C1orf185: variants seen among roughly 807,000 people sequenced by gnomAD.
C1orf185 encodes the protein uncharacterized protein C1orf185.
Under a neutral mutation model 16.1 loss-of-function variants are expected in C1orf185, and 13 were observed. The ratio of observed to expected loss-of-function variants is 0.81; its 90% confidence interval spans 0.53 to 1.28. The LOEUF (loss-of-function observed/expected upper bound fraction) is 1.28, where lower values mean the gene tolerates loss of function less well. C1orf185 is among the 50% of genes most tolerant of loss of function. C1orf185 has a pLI of 0.00. For missense variants in C1orf185, 220 were observed against 225.2 expected, an observed-to-expected ratio of 0.98 and a Z score of 0.15; for synonymous variants, 80 against 76.9, an observed-to-expected ratio of 1.04 and a Z score of -0.21.
In C1orf185 at chr1:51,147,944, C is replaced by T; in HGVS notation, c.*173C>T. On this transcript the variant is annotated 3_prime_UTR_variant, in exon 5 of 5. Transcript: ENST00000371759. ...TAATATTGCTTTTTTTGTTCTTTAC[C>T]ATAGAGCGGCTCTACTTCCCTTGCT... The T allele has an allele frequency of 1.7e-6, 1 of 573,712 alleles. No individual in the cohort carries two copies. The highest frequency in any genetic ancestry group is 2.9e-6 in the Non-Finnish European group (1 of 349,580). 35.5% of individuals were successfully genotyped at this position (573,712 alleles called of 1,614,324 possible). A position where few individuals can be genotyped will look rare whatever the true frequency, so the allele number is the denominator to read the frequency against.
intron 3 of C1orf185, among the ~76,000 whole-genome samples, chr1:51,124,425 G>A (rs1446323285): frequency 3.3e-5 from 5 of 152,248 alleles, no homozygotes; most frequent in East Asian, 3.9e-4. Context: ...CAGGGCAGCC[G>A]CCTCAAAACT....
downstream of C1orf185, among the ~76,000 whole-genome samples, chr1:51,151,037 G>A (rs1416323144): frequency 6.6e-6 from 1 of 152,216 alleles, no homozygotes; most frequent in Non-Finnish European, 1.5e-5. Flanking sequence ...TCTGCTCACA[G>A]ACATGCAGAA....
intron 1 of C1orf185, among the ~76,000 whole-genome samples, chr1:51,109,658 C>A (rs182954500): frequency 2.0e-5 from 3 of 152,118 alleles, no homozygotes; most frequent in Non-Finnish European, 4.4e-5. Flanking sequence ...GTTCTTTCTC[C>A]GGTGAGTGTT....
intron 3 of C1orf185, among the ~76,000 whole-genome samples, chr1:51,133,574 C>A (rs1646301435): frequency 6.6e-6 from 1 of 152,194 alleles, no homozygotes; most frequent in Non-Finnish European, 1.5e-5. Context: ...TAGAGACCTT[C>A]AAAGAGACTT....
intron 3 of C1orf185, among the ~76,000 whole-genome samples, chr1:51,123,533 C>T (rs1005695016): frequency 6.6e-6 from 1 of 152,086 alleles, no homozygotes; most frequent in Non-Finnish European, 1.5e-5. Flanking sequence ...TGAATACCAG[C>T]GAACACAATT....
intron 1 of C1orf185, among the ~76,000 whole-genome samples, chr1:51,106,463 G>C (rs969041817): frequency 6.6e-6 from 1 of 151,794 alleles, no homozygotes; most frequent in African/African-American, 2.4e-5. Context: ...AAAAAAGTGA[G>C]ACTCTGTCTC....
intron 2 of C1orf185, among the ~76,000 whole-genome samples, chr1:51,116,479 A>G (rs1646158734): frequency 6.6e-6 from 1 of 151,858 alleles, no homozygotes; most frequent in Admixed American, 6.6e-5. Context: ...ACATCCAGCT[A>G]ATTTTTGTAT....
chr1:51,120,054 G>A (rs1468648492), intron 3 of C1orf185, among the ~76,000 whole-genome samples: 1 of 152,116 alleles, frequency 6.6e-6, no homozygotes, highest in African/African-American at 2.4e-5. Context: ...ATGAAGAGAA[G>A]TTTGTCGGGA....
chr1:51,144,720 A>AAGGG (rs896604586), intron 3 of C1orf185, among the ~76,000 whole-genome samples: 1 of 152,038 alleles, frequency 6.6e-6, no homozygotes, highest in Non-Finnish European at 1.5e-5. Flanking sequence ...CTCAGAAAAA[A>AAGGG]AGGGAGTTAT....
At chr1:51,111,819 C>A (rs1164577807) in intron 1 of C1orf185, among the ~76,000 whole-genome samples, 2 of 152,130 alleles carry the variant, frequency 1.3e-5, no homozygotes, top group African/African-American at 2.4e-5. Context: ...GGCGCCCTGC[C>A]CCTGGTTAAT....
chr1:51,134,865 C>A (rs993740779), intron 3 of C1orf185, among the ~76,000 whole-genome samples: 14 of 152,130 alleles, frequency 9.2e-5, no homozygotes, highest in African/African-American at 3.4e-4. Flanking sequence ...AATAGCCTAT[C>A]AACCAGAAAA....
chr1:51,119,153 T>A (rs937807167), intron 3 of C1orf185, among the ~76,000 whole-genome samples: 1 of 152,170 alleles, frequency 6.6e-6, no homozygotes, highest in African/African-American at 2.4e-5. Context: ...ACCATAGCAA[T>A]TGAAATTAAA....
In C1orf185 at chr1:51,147,740, G is replaced by A. The variant is rs976141676; in HGVS notation, c.569G>A (p.Gly190Asp). The change falls in exon 5 of 5, where the codon GGT (glycine) becomes GAT (aspartate). Residue 190 changes from glycine (G) to aspartate (D), a missense_variant. Physicochemically the swap from Gly to Asp is moderately conservative, Grantham distance 94 (BLOSUM62 -1). Transcript: ENST00000371759. ...CTGTCAACCATTTCATTAGAAGAGG[G>A]TACTGAAAGTGTACTGAATGACACT... is the stretch of plus-strand genomic sequence containing the variant. ...SYLSTISLEE[G>D]TESVLNDTL 6.5e-7 allele frequency: 1 copy of A among 1,548,436 alleles called. No individual in the cohort carries two copies. The highest frequency in any genetic ancestry group is 8.7e-7 in the Non-Finnish European group (1 of 1,145,646).
intron 1 of C1orf185, among the ~76,000 whole-genome samples, chr1:51,106,047 T>C (rs1646068385): frequency 1.3e-5 from 2 of 152,328 alleles, no homozygotes; most frequent in African/African-American, 4.8e-5. Context: ...TCACACCTAT[T>C]TTCTGTCGTA....
At chr1:51,127,002 A>G (rs1299927537) in intron 3 of C1orf185, among the ~76,000 whole-genome samples, 1 of 151,216 alleles carries the variant, frequency 6.6e-6, no homozygotes, top group East Asian at 1.9e-4. Context: ...TTCATTATTT[A>G]TAACTTGGGT....
intron 3 of C1orf185, among the ~76,000 whole-genome samples, chr1:51,130,897 G>A (rs1216823285): frequency 1.3e-5 from 2 of 151,948 alleles, no homozygotes; most frequent in African/African-American, 4.8e-5. Flanking sequence ...TCCATTTTTA[G>A]TTAATTTTTC....
chr1:51,138,157 C>G (rs1167545960), intron 3 of C1orf185, among the ~76,000 whole-genome samples: 1 of 152,168 alleles, frequency 6.6e-6, no homozygotes, highest in Non-Finnish European at 1.5e-5. Flanking sequence ...TCCCAAGACA[C>G]AGGTTTACCT....
chr1:51,136,606 T>G (rs1033418958), intron 3 of C1orf185, among the ~76,000 whole-genome samples: 12 of 152,106 alleles, frequency 7.9e-5, no homozygotes, highest in Non-Finnish European at 2.9e-5. Context: ...GCCACACACC[T>G]ACAATGATCT....
chr1:51,122,207 C>A (rs1006974691), intron 3 of C1orf185, among the ~76,000 whole-genome samples: 47 of 152,058 alleles, frequency 3.1e-4, no homozygotes, highest in African/African-American at 1.1e-3. Context: ...TCTATGAAAT[C>A]TTTATAGAGG....
Sources: gnomAD v4.1 joint callset for allele counts (sites outside exome capture counted in the v4.1 genomes callset) on GRCh38, gnomAD v4.1.1 for gene constraint, MANE v1.5 for transcripts, NCBI Gene and HGNC (gene_info 2026-07-23, HGNC 2026-07-21) for gene names.